The following FAF2 variants were observed in gnomAD, a reference collection of about 807,000 sequenced individuals.
FAF2 encodes Fas associated factor family member 2.
FAF2 carries 9 observed loss-of-function variants against 62.3 expected under a neutral mutation model. The ratio of observed to expected loss-of-function variants is 0.14; its 90% CI spans 0.09 to 0.25. The LOEUF is 0.25. Among genes scored for constraint, FAF2 ranks in the 10% least tolerant of loss-of-function variants. The pLI is 1.00. For synonymous variants in FAF2, 202 were observed against 198.0 expected, an observed-to-expected ratio of 1.02 and a Z score of -0.17; for missense variants, 368 against 556.2, an observed-to-expected ratio of 0.66 and a Z score of 3.40.
At chr5:176,465,648 T>C (rs116839662) in intron 1 of FAF2, among the ~76,000 whole-genome samples, 1 of 152,192 alleles carries the variant, frequency 6.6e-6, no homozygotes, top group Admixed American at 6.5e-5. Context: ...GTTACAGTTA[T>C]GAGCCACCAT....
rs773610895 is a variant in FAF2, at chr5:176,486,539, T to C, written c.267+50T>C. On this transcript the variant is annotated intron_variant, in intron 3 of 10. Coordinates refer to ENST00000261942, the MANE Select transcript of FAF2 (RefSeq NM_014613.3). ...TCCCCCTTTTTTATTTATAAGTATA[T>C]CCACTTGGTTATATTGATCTCCCTG... The C allele has an allele frequency of 5.1e-6, 8 of 1,582,250 alleles. No homozygotes were observed. The Admixed American group carries it at 1.2e-4, about 24-fold the overall frequency.
intron 1 of FAF2, among the ~76,000 whole-genome samples, chr5:176,464,966 C>T (rs1758438783): frequency 6.6e-6 from 1 of 152,194 alleles, no homozygotes. Context: ...CAGCTCACTG[C>T]AACCTCCGCC....
At chr5:176,469,242 C>T (rs1758519336) in intron 1 of FAF2, among the ~76,000 whole-genome samples, 1 of 152,098 alleles carries the variant, frequency 6.6e-6, no homozygotes, top group Non-Finnish European at 1.5e-5. Flanking sequence ...GAGACTCCAT[C>T]TCTAAAAATA....
At chr5:176,467,330 GTTTTTTTTGGT>G (rs1246949275) in intron 1 of FAF2, among the ~76,000 whole-genome samples, 1 of 150,672 alleles carries the variant, frequency 6.6e-6, no homozygotes, top group Admixed American at 6.6e-5. Flanking sequence ...ACTTTTTTTG[GTTTTTTTTGGT>G]TTTTTTTTGA....
rs996122198 is a variant in FAF2 at position 176,454,146 on chromosome 5, A to C, written c.63+5676A>C. Among the ~76,000 whole-genome samples the C allele has an allele frequency of 3.3e-5, 5 of 151,278 alleles. No homozygotes were observed. The East Asian group carries it at 9.7e-4, about 29-fold the overall frequency. ...GTAGGCTGGGTGCCATAATCTCAGCACTTTGGGAGGCCGAGGCAGGCAGAT... is the reference window on the plus strand; with the variant it reads ...GTAGGCTGGGTGCCATAATCTCAGCCCTTTGGGAGGCCGAGGCAGGCAGAT... On this transcript the variant is annotated intron_variant, in intron 1 of 10. Transcript: ENST00000261942.
intron 4 of FAF2, among the ~76,000 whole-genome samples, 189 bp from the exon 5 acceptor site, chr5:176,492,005 G>A (rs565013628): frequency 6.6e-6 from 1 of 152,154 alleles, no homozygotes; most frequent in Admixed American, 6.5e-5. Context: ...ACAGGCAATA[G>A]AATAACACTT....
chr5:176,460,899 C>T (rs926786361), intron 1 of FAF2, among the ~76,000 whole-genome samples: 3 of 151,982 alleles, frequency 2.0e-5, no homozygotes, highest in African/African-American at 7.2e-5. Context: ...TTGCAATGAG[C>T]CAAGCAAGAT....
chr5:176,499,816 A>G (rs1561828595), intron 9 of FAF2, among the ~76,000 whole-genome samples, 187 bp from the exon 10 acceptor site: 1 of 152,112 alleles, frequency 6.6e-6, no homozygotes, highest in Non-Finnish European at 1.5e-5. Context: ...ATAAATACCT[A>G]GACATAATAA....
intron 1 of FAF2, among the ~76,000 whole-genome samples, chr5:176,456,305 G>T (rs367824834): frequency 6.6e-6 from 1 of 152,170 alleles, no homozygotes; most frequent in African/African-American, 2.4e-5. Flanking sequence ...TTCCTGACCT[G>T]AGGTGATCCG....
chr5:176,481,642 G>A (rs368220582), intron 2 of FAF2, among the ~76,000 whole-genome samples: 1 of 151,828 alleles, frequency 6.6e-6, no homozygotes, highest in African/African-American at 2.4e-5. Context: ...GGGGGACAGA[G>A]TGAGACTCTG....
At chr5:176,482,897 T>A (rs1758807051) in intron 2 of FAF2, among the ~76,000 whole-genome samples, 1 of 99,988 alleles carries the variant, frequency 1.0e-5, no homozygotes, top group Non-Finnish European at 2.2e-5. Flanking sequence ...TTTGTGGTTT[T>A]GTTGTTGTTG....
At chr5:176,471,223 T>G (rs1758561776) in intron 1 of FAF2, among the ~76,000 whole-genome samples, 1 of 152,182 alleles carries the variant, frequency 6.6e-6, no homozygotes, top group Non-Finnish European at 1.5e-5. Context: ...ATCTTGCTGG[T>G]GTCTTGCTGT....
intron 4 of FAF2, among the ~76,000 whole-genome samples, chr5:176,490,032 C>T (rs1758946193): frequency 1.3e-5 from 2 of 151,828 alleles, no homozygotes; most frequent in South Asian, 4.2e-4. Flanking sequence ...GCTCAACTGG[C>T]CGGGCTCTGT....
intron 5 of FAF2, among the ~76,000 whole-genome samples, chr5:176,493,686 G>A (rs553727077): frequency 5.9e-5 from 9 of 152,308 alleles, no homozygotes; most frequent in South Asian, 4.1e-4. Flanking sequence ...GACTGTGGGT[G>A]CAGCTGACTT....
intron 1 of FAF2, among the ~76,000 whole-genome samples, chr5:176,451,982 A>G (rs1245629911): frequency 7.5e-6 from 1 of 133,486 alleles, no homozygotes; most frequent in Non-Finnish European, 1.6e-5. Context: ...GTTCATTGCA[A>G]CCTCAAACTC....
intron 2 of FAF2, among the ~76,000 whole-genome samples, 176 bp downstream of exon 2, chr5:176,479,432 A>G (rs1190079372): frequency 6.6e-6 from 1 of 152,196 alleles, no homozygotes; most frequent in Non-Finnish European, 1.5e-5. Context: ...TCATAGAAAA[A>G]TTTGTGACTA....
chr5:176,501,797 T>A (rs574110838), intron 10 of FAF2, among the ~76,000 whole-genome samples: 171 of 152,320 alleles, frequency 1.1e-3, no homozygotes, highest in African/African-American at 3.5e-3. Context: ...CTTGTCACCC[T>A]AGCTGGATTG....
intron 1 of FAF2, among the ~76,000 whole-genome samples, chr5:176,478,005 C>T (rs910646190): frequency 1.3e-5 from 2 of 152,096 alleles, no homozygotes; most frequent in African/African-American, 4.8e-5. Context: ...TAGTGCTGTA[C>T]AGAATAGGCA....
At chr5:176,499,889 T>G in intron 9 of FAF2, 114 bp from the exon 10 acceptor site, 1 of 1,291,098 alleles carries the variant, frequency 7.7e-7, no homozygotes, top group Non-Finnish European at 1.1e-6. Context: ...CTGAGAGGTT[T>G]TTCTTAGAAT....
Sources: gnomAD v4.1 joint callset for allele counts (sites outside exome capture counted in the v4.1 genomes callset) on GRCh38, gnomAD v4.1.1 for gene constraint, MANE v1.5 for transcripts, NCBI Gene and HGNC (gene_info 2026-07-23, HGNC 2026-07-21) for gene names.